The following SLC29A3 variants were observed in gnomAD, a reference collection of about 807,000 sequenced individuals.
The protein encoded by SLC29A3 is equilibrative nucleoside transporter 3.
SLC29A3 carries 18 observed loss-of-function variants against 25.4 expected under a neutral mutation model. The ratio of observed to expected loss-of-function variants is 0.71; its 90% CI spans 0.49 to 1.05. SLC29A3 has a LOEUF of 1.05. Ranked by LOEUF, SLC29A3 falls within the 50% of genes least tolerant of loss-of-function variation. The probability of loss-of-function intolerance (pLI) is 0.00; values close to 1 mark genes in which losing one functional copy is unlikely to be tolerated. For synonymous variants in SLC29A3, 258 were observed against 267.1 expected, an observed-to-expected ratio of 0.97 and a Z score of 0.33; for missense variants, 586 against 609.0, an observed-to-expected ratio of 0.96 and a Z score of 0.40.
At chr10:71,335,708 G>T (rs1351408595) in intron 2 of SLC29A3, among the ~76,000 whole-genome samples, 1 of 152,160 alleles carries the variant, frequency 6.6e-6, no homozygotes, top group Non-Finnish European at 1.5e-5. Context: ...CTTCAGAGGG[G>T]CTGCTTGGGA....
chr10:71,369,709 T>G (rs1847196963), intron 3 of SLC29A3, among the ~76,000 whole-genome samples: 1 of 152,198 alleles, frequency 6.6e-6, no homozygotes, highest in Non-Finnish European at 1.5e-5. Flanking sequence ...AGGGAGGCAC[T>G]GACCATTGAG....
chr10:71,359,259 G>A (rs1846994364), intron 5 of SLC29A3, among the ~76,000 whole-genome samples: 1 of 152,096 alleles, frequency 6.6e-6, no homozygotes, highest in Non-Finnish European at 1.5e-5. Context: ...CTGGATCTGT[G>A]GGCTCACAGA....
At chr10:71,359,092 A>G (rs1360929786) in intron 5 of SLC29A3, among the ~76,000 whole-genome samples, 1 of 152,128 alleles carries the variant, frequency 6.6e-6, no homozygotes, top group African/African-American at 2.4e-5. Flanking sequence ...TATTTTTTGT[A>G]GAGACAGAGT....
chr10:71,344,116 G>A (rs748958712), intron 2 of SLC29A3, 93 bp from the exon 3 acceptor site: 3 of 1,008,862 alleles, frequency 3.0e-6, no homozygotes, highest in Non-Finnish European at 3.2e-6. Flanking sequence ...GTGGGGAGAA[G>A]CCCCACAGAG....
chr10:71,347,062 A>G (rs897227281), intron 3 of SLC29A3, among the ~76,000 whole-genome samples: 4 of 152,138 alleles, frequency 2.6e-5, no homozygotes, highest in Non-Finnish European at 5.9e-5. Flanking sequence ...ATGCAGGAAC[A>G]TCCTCTGAGG....
chr10:71,328,040 A>G (rs1457900354), intron 2 of SLC29A3, among the ~76,000 whole-genome samples: 1 of 151,832 alleles, frequency 6.6e-6, no homozygotes, highest in Non-Finnish European at 1.5e-5. Flanking sequence ...GAGTGTCTGC[A>G]CCTTCTCCTG....
intron 3 of SLC29A3, among the ~76,000 whole-genome samples, chr10:71,369,435 A>C (rs570448251): frequency 1.3e-5 from 2 of 152,294 alleles, no homozygotes; most frequent in East Asian, 3.9e-4. Flanking sequence ...GCTTCTCCTA[A>C]TAACATGTGA....
At chr10:71,349,990 G>A (rs1846707773) in intron 3 of SLC29A3, among the ~76,000 whole-genome samples, 1 of 152,160 alleles carries the variant, frequency 6.6e-6, no homozygotes, top group Non-Finnish European at 1.5e-5. Flanking sequence ...CGTGTCCTGG[G>A]CATCCAGCAT....
intron 4 of SLC29A3, among the ~76,000 whole-genome samples, chr10:71,377,218 C>A (rs1240430423): frequency 6.6e-6 from 1 of 152,202 alleles, no homozygotes; most frequent in Non-Finnish European, 1.5e-5. Context: ...CCCAGGCCGC[C>A]GGCGGATGCT....
intron 4 of SLC29A3, among the ~76,000 whole-genome samples, chr10:71,377,391 T>G (rs1386405620): frequency 1.3e-5 from 2 of 152,118 alleles, no homozygotes; most frequent in Non-Finnish European, 2.9e-5. Context: ...CGCGCTCAGC[T>G]CGGCCAGAAA....
chr10:71,351,593 C>A lies in SLC29A3; in HGVS notation c.415C>A (p.Leu139Met). The A allele has an allele frequency of 6.2e-7, 1 of 1,614,252 alleles. No individual in the cohort carries two copies. Among genetic ancestry groups the A allele is most frequent in the African/African-American group, 1.3e-5 (1 of 75,070 alleles). ...VAVHIRVLASLTVILAIFMVI... is the reference protein window; with the variant it reads ...VAVHIRVLASMTVILAIFMVI... Reference sequence around the variant, plus strand: ...AGTCCACATCCGTGTCCTGGCCTCACTGACGGTCATCCTGGCCATCTTCAT... The same window carrying A: ...AGTCCACATCCGTGTCCTGGCCTCAATGACGGTCATCCTGGCCATCTTCAT... Residue 139 changes from leucine to methionine, a missense_variant, in exon 4 of 6, where the codon CTG becomes ATG. Transcript: ENST00000373189.
At chr10:71,352,016 C>T (rs112593148) in intron 4 of SLC29A3, among the ~76,000 whole-genome samples, 4 of 152,198 alleles carry the variant, frequency 2.6e-5, no homozygotes, top group Non-Finnish European at 5.9e-5. Flanking sequence ...CCCATGGCAT[C>T]AGCCAGCATA....
chr10:71,363,800 TCC>T (rs1491284125), downstream of SLC29A3, among the ~76,000 whole-genome samples: 39 of 124,710 alleles, frequency 3.1e-4, no homozygotes, highest in East Asian at 4.7e-3. Context: ...TTTCTTTTTT[TCC>T]TTTTTCTTTT....
At chr10:71,355,972 GC>G (rs1564539998) in intron 4 of SLC29A3, 108 bp from the exon 5 acceptor site, 2 of 1,302,900 alleles carry the variant, frequency 1.5e-6, no homozygotes, top group African/African-American at 2.9e-5. Context: ...GGCATTTTTC[GC>G]ACGGAGGAAT....
chr10:71,340,194 C>T (rs1447154500), intron 2 of SLC29A3, among the ~76,000 whole-genome samples: 1 of 152,228 alleles, frequency 6.6e-6, no homozygotes, highest in Non-Finnish European at 1.5e-5. Flanking sequence ...CACCTGCGTT[C>T]CAGCCCTGCC....
intron 3 of SLC29A3, among the ~76,000 whole-genome samples, chr10:71,370,963 T>G (rs1847207392): frequency 1.3e-5 from 2 of 152,160 alleles, no homozygotes; most frequent in African/African-American, 4.8e-5. Context: ...TAATTTTTAA[T>G]AGAGACAGGG....
chr10:71,327,208 A>C (rs866347560), intron 2 of SLC29A3, among the ~76,000 whole-genome samples: 2 of 152,116 alleles, frequency 1.3e-5, no homozygotes, highest in Non-Finnish European at 2.9e-5. Context: ...GTTTACCCAG[A>C]CACCCTCTCC....
At chr10:71,379,009 G>A (rs1408264401) in intron 4 of SLC29A3, among the ~76,000 whole-genome samples, 1 of 152,194 alleles carries the variant, frequency 6.6e-6, no homozygotes, top group Non-Finnish European at 1.5e-5. Flanking sequence ...CTGGCTTCAG[G>A]GAGGACCAAA....
chr10:71,323,242 C>A (rs1341773495), intron 2 of SLC29A3, among the ~76,000 whole-genome samples, 188 bp downstream of exon 2: 1 of 152,224 alleles, frequency 6.6e-6, no homozygotes, highest in Non-Finnish European at 1.5e-5. Context: ...AGAGTCCATG[C>A]CTCCAGGGAT....
Sources: allele counts gnomAD v4.1 joint callset (sites outside exome capture counted in the v4.1 genomes callset), GRCh38; gene constraint gnomAD v4.1.1; transcripts MANE v1.5; gene names NCBI Gene and HGNC (gene_info 2026-07-23, HGNC 2026-07-21).